Variants in YME1L1 observed in about 807,000 individuals in gnomAD.
YME1L1 encodes ATP-dependent zinc metalloprotease YME1L1.
A neutral mutation model predicts 90.4 loss-of-function variants in YME1L1; 39 were observed. The ratio of observed to expected loss-of-function variants is 0.43; its 90% CI spans 0.33 to 0.56. The LOEUF (loss-of-function observed/expected upper bound fraction) is 0.56, where lower values mean the gene tolerates loss of function less well. Among genes scored for constraint, YME1L1 ranks in the 20% least tolerant of loss-of-function variants. The pLI, the probability that YME1L1 is intolerant of heterozygous loss-of-function variation, is 0.03. For missense variants in YME1L1, 617 were observed against 868.4 expected (o/e 0.71, Z 3.64); for synonymous variants, 284 against 287.3 (o/e 0.99, Z 0.12).
intron 4 of YME1L1, among the ~76,000 whole-genome samples, chr10:27,141,700 C>CATATCTG (rs2057089473): frequency 1.3e-5 from 2 of 151,598 alleles, no homozygotes; most frequent in South Asian, 4.2e-4. Context: ...GGTTAAAGGC[C>CATATCTG]ATATCTGCAC....
chr10:27,128,695 A>T (rs536178040), intron 8 of YME1L1, among the ~76,000 whole-genome samples: 1 of 152,184 alleles, frequency 6.6e-6, no homozygotes, highest in South Asian at 2.1e-4. Flanking sequence ...ACTTGAGCTC[A>T]GGAGATCAAG....
intron 6 of YME1L1, among the ~76,000 whole-genome samples, chr10:27,134,511 G>C (rs1011070926): frequency 1.3e-5 from 2 of 152,180 alleles, no homozygotes; most frequent in African/African-American, 4.8e-5. Flanking sequence ...GAAAGTTAAG[G>C]CTACAATGAG....
At chr10:27,121,911 T>C (rs1175885561) in intron 11 of YME1L1, among the ~76,000 whole-genome samples, 2 of 152,154 alleles carry the variant, frequency 1.3e-5, no homozygotes. Context: ...AATTCTTATA[T>C]TTTTAGTAAA....
chr10:27,152,911 T>A (rs2057240487), intron 1 of YME1L1, among the ~76,000 whole-genome samples: 1 of 152,194 alleles, frequency 6.6e-6, no homozygotes, highest in Non-Finnish European at 1.5e-5. Context: ...AATGAAAATC[T>A]AATCATGTTT....
At position 27,120,508 on chromosome 10, in the gene YME1L1, T is replaced by A. The variant is rs2056856531; in HGVS notation, c.1338A>T (p.Thr446=). The A allele has an allele frequency of 6.2e-7, 1 of 1,613,592 alleles. No homozygotes were observed. Among genetic ancestry groups the A allele is most frequent in the Non-Finnish European group, 8.5e-7 (1 of 1,179,774 alleles). ...IRPGRFDMQV[T]VPRPDVKGRT... ...GACCTTTTACATCTGGCCTTGGAAC[T>A]GTAACTTGCATGTCAAAACGACCAG... is the stretch of plus-strand genomic sequence containing the variant. The change falls in exon 13 of 19, where the codon ACA becomes ACT. Residue 446 remains threonine, a synonymous_variant. Transcript: ENST00000376016.
intron 5 of YME1L1, among the ~76,000 whole-genome samples, chr10:27,135,733 G>A (rs1196614390): frequency 6.6e-6 from 1 of 152,178 alleles, no homozygotes; most frequent in Non-Finnish European, 1.5e-5. Flanking sequence ...CAGTGTATCA[G>A]GTGGAGGTAA....
intron 17 of YME1L1, among the ~76,000 whole-genome samples, chr10:27,115,777 A>G (rs1262086871): frequency 1.3e-5 from 2 of 152,214 alleles, no homozygotes; most frequent in Non-Finnish European, 2.9e-5. Context: ...AAACTTAGAA[A>G]GTAGACTCTT....
Position 27,117,368 on chromosome 10 carries a change from G to C in YME1L1, c.1719+208C>G, listed in dbSNP as rs748306732. On this transcript the variant is annotated intron_variant, in intron 15 of 18. Transcript: ENST00000376016. ...GGATCACCTGAGGTCAGGAGTTCTA[G>C]AGCAGCCTGGCCAACATGGTGAAAC... Among the ~76,000 whole-genome samples the C allele has an allele frequency of 2.0e-5, 3 of 152,206 alleles. No individual in the cohort carries two copies. In the East Asian group the frequency reaches 5.8e-4, roughly 29 times the overall value.
chr10:27,129,718 TAA>T (rs10586020), intron 8 of YME1L1, among the ~76,000 whole-genome samples: 21,504 of 146,460 alleles, frequency 0.15, 1,990 homozygotes, highest in African/African-American at 0.28. Context: ...AAAGATAAAA[TAA>T]AAAAAAAAAA....
chr10:27,146,356 CA>C (rs1302316082), intron 2 of YME1L1: 1 of 151,986 alleles, frequency 6.6e-6, no homozygotes, highest in African/African-American at 2.4e-5. Flanking sequence ...GAAAATCAGG[CA>C]AAAAAGTCTA....
intron 8 of YME1L1, among the ~76,000 whole-genome samples, chr10:27,128,209 C>T (rs575288287): frequency 7.7e-4 from 117 of 152,238 alleles, no homozygotes; most frequent in African/African-American, 2.8e-3. Flanking sequence ...AATGACATTC[C>T]TATACAAGCT....
chr10:27,149,423 C>A (rs2057183513), intron 1 of YME1L1, among the ~76,000 whole-genome samples: 1 of 152,056 alleles, frequency 6.6e-6, no homozygotes, highest in Non-Finnish European at 1.5e-5. Context: ...ACAAATGATA[C>A]CACTGGTCGA....
At position 27,111,359 on chromosome 10, in the gene YME1L1, A is replaced by G. The variant is rs1214631059; in HGVS notation, c.*618T>C. 3 of 155,142 alleles carry G rather than the reference A, an allele frequency of 1.9e-5. No individual in the cohort carries two copies. Among genetic ancestry groups the G allele is most frequent in the Admixed American group, 1.9e-4 (3 of 15,552 alleles). 9.6% of individuals were successfully genotyped at this position (155,142 alleles called of 1,614,324 possible). A position where few individuals can be genotyped will look rare whatever the true frequency, so the allele number is the denominator to read the frequency against. ...GGCGTGAGCAACCGCGCCCAGCCCT[A>G]TTTTTTTGTATTTTAGTAGAGACAG... On this transcript the variant is annotated 3_prime_UTR_variant, in exon 19 of 19. Transcript: ENST00000376016.
chr10:27,151,857 G>T (rs2135911437), intron 1 of YME1L1, among the ~76,000 whole-genome samples: 1 of 150,284 alleles, frequency 6.7e-6, no homozygotes, highest in South Asian at 2.1e-4. Flanking sequence ...CTCCAGCCTG[G>T]GCGACAGAGC....
chr10:27,153,460 C>T (rs960597059), intron 1 of YME1L1, among the ~76,000 whole-genome samples: 2 of 152,094 alleles, frequency 1.3e-5, no homozygotes, highest in Non-Finnish European at 2.9e-5. Flanking sequence ...CTCAAAAAAT[C>T]TATTAAAATG....
chr10:27,132,260 C>A (rs2056984663), intron 7 of YME1L1, among the ~76,000 whole-genome samples: 1 of 152,044 alleles, frequency 6.6e-6, no homozygotes. Context: ...GCCACCAAAC[C>A]CGGCTAATTT....
intron 15 of YME1L1, among the ~76,000 whole-genome samples, chr10:27,117,306 G>A (rs1425422259): frequency 2.0e-5 from 3 of 152,202 alleles, no homozygotes; most frequent in Middle Eastern, 3.4e-3. Context: ...GGTGGCTCAC[G>A]CCTGTAATCC....
chr10:27,148,771 T>C, intron 2 of YME1L1, 135 bp downstream of exon 2: 1 of 1,064,046 alleles, frequency 9.4e-7, no homozygotes, highest in Non-Finnish European at 1.4e-6. Flanking sequence ...TATTAGTAGT[T>C]AAGTTTCTCA....
intron 4 of YME1L1, 32 bp from the exon 5 acceptor site, chr10:27,136,417 T>A (rs1431383150): frequency 1.9e-6 from 3 of 1,560,718 alleles, no homozygotes; most frequent in Non-Finnish European, 2.6e-6. Flanking sequence ...ACTGTCACTA[T>A]AAATTGTTAC....
Sources: allele counts gnomAD v4.1 joint callset (sites outside exome capture counted in the v4.1 genomes callset), GRCh38; gene constraint gnomAD v4.1.1; transcripts MANE v1.5; gene names NCBI Gene and HGNC (gene_info 2026-07-23, HGNC 2026-07-21).